The following SPAST variants were observed in gnomAD, a reference collection of about 807,000 sequenced individuals.
The protein encoded by SPAST is spastin.
Under a neutral mutation model 76.6 loss-of-function variants are expected in SPAST, and 30 were observed. That is an observed-to-expected ratio of 0.39 (90% CI 0.29 to 0.53). SPAST has a LOEUF of 0.53. SPAST is among the 20% of genes least tolerant of loss of function. The pLI is 0.68. For synonymous variants in SPAST, 305 were observed against 281.0 expected (o/e 1.09, Z -0.86); for missense variants, 717 against 770.5 (o/e 0.93, Z 0.82).
Position 32,114,769 on chromosome 2 carries a change from T to A in SPAST, c.814T>A (p.Leu272Ile). The A allele has an allele frequency of 1.2e-6, 2 of 1,614,160 alleles. No homozygotes were observed. Among genetic ancestry groups the A allele is most frequent in the Non-Finnish European group, 1.7e-6 (2 of 1,180,002 alleles). The change falls in exon 5 of 17, where the codon TTA becomes ATA. Residue 272 changes from leucine to isoleucine, a missense_variant. By Grantham distance (5) the Leu-to-Ile change is conservative. Coordinates refer to ENST00000315285, the MANE Select transcript of SPAST (RefSeq NM_014946.4). ...GHHRAPSYSG[L>I]SMVSGVKQGS... ...CCATAGAGCACCTAGTTACAGTGGT[T>A]TATCCATGGTTTCTGGAGTGAAACA... is the stretch of plus-strand genomic sequence containing the variant.
chr2:32,097,073 A>G (rs144849186), intron 3 of SPAST, among the ~76,000 whole-genome samples: 2 of 152,352 alleles, frequency 1.3e-5, no homozygotes, highest in East Asian at 1.9e-4. Context: ...GAGAGTTAAT[A>G]TATAGGTGCT....
chr2:32,120,026 C>CT (rs1334920064), intron 7 of SPAST, among the ~76,000 whole-genome samples: 2,314 of 143,668 alleles, frequency 0.016, 34 homozygotes, highest in African/African-American at 0.038. Context: ...TTCTTTCTTT[C>CT]TTTTTTTTTT....
intron 4 of SPAST, among the ~76,000 whole-genome samples, 200 bp downstream of exon 4, chr2:32,099,091 C>A (rs1419825542): frequency 1.3e-5 from 2 of 152,096 alleles, no homozygotes; most frequent in African/African-American, 4.8e-5. Context: ...TCTAAACTTG[C>A]TTTATTTGCA....
chr2:32,146,851 C>CA (rs397984237), intron 15 of SPAST, among the ~76,000 whole-genome samples: 260 of 19,210 alleles, frequency 0.014, 33 homozygotes, highest in Admixed American at 0.028. Flanking sequence ...GACTCTGTCT[C>CA]AAAAAAAAAA....
At chr2:32,100,766 C>A (rs1678089977) in intron 4 of SPAST, among the ~76,000 whole-genome samples, 1 of 152,114 alleles carries the variant, frequency 6.6e-6, no homozygotes, top group Non-Finnish European at 1.5e-5. Context: ...CAGCTTCATC[C>A]ATGTCCCTAC....
chr2:32,078,965 G>A (rs1018924370), intron 1 of SPAST, among the ~76,000 whole-genome samples: 2 of 152,030 alleles, frequency 1.3e-5, no homozygotes, highest in Non-Finnish European at 2.9e-5. Flanking sequence ...AGCCCCTCAA[G>A]TAGCTGGGAC....
At position 32,144,940 on chromosome 2, in the gene SPAST, G is replaced by T; in HGVS notation, c.1620G>T (p.Met540Ile). The T allele has an allele frequency of 6.2e-7, 1 of 1,611,148 alleles. No individual in the cohort carries two copies. The highest frequency in any genetic ancestry group is 1.1e-5 in the South Asian group (1 of 90,586). ...GTTTCTTCCTTCCCTTCCTCAGAAT[G>T]ACTGATGGATACTCAGGAAGTGACC... ...TQKELAQLAR[M>I]TDGYSGSDLT... The change falls in exon 15 of 17, where the codon ATG becomes ATT. Residue 540 changes from methionine (M) to isoleucine (I), a missense_variant. This residue lies in a region of SPAST where 96 missense variants were observed against 127.6 expected (regional missense o/e 0.75). Transcript: ENST00000315285.
intron 2 of SPAST, 116 bp downstream of exon 2, chr2:32,087,694 C>CTTTTTTTTTTTTTTTTTTTTTT (rs770566493): frequency 4.3e-5 from 8 of 186,262 alleles, no homozygotes; most frequent in African/African-American, 9.9e-5. Flanking sequence ...CTTTTCTTTT[C>CTTTTTTTTTTTTTTTTTTTTTT]TTTTTTTTTT....
intron 4 of SPAST, among the ~76,000 whole-genome samples, chr2:32,101,677 T>A (rs969793426): frequency 1.3e-5 from 2 of 152,230 alleles, no homozygotes; most frequent in African/African-American, 4.8e-5. Flanking sequence ...GGATCCAGTT[T>A]CAGCTTTGTA....
chr2:32,093,674 C>T (rs1055378722), intron 3 of SPAST, among the ~76,000 whole-genome samples: 1 of 152,074 alleles, frequency 6.6e-6, no homozygotes, highest in Non-Finnish European at 1.5e-5. Flanking sequence ...TTGTCTATAT[C>T]CCAAGTGCCT....
chr2:32,088,368 G>T (rs1677576431), intron 2 of SPAST, among the ~76,000 whole-genome samples: 1 of 151,858 alleles, frequency 6.6e-6, no homozygotes. Flanking sequence ...ATTTGGGCCA[G>T]GCACAGTGGC....
At chr2:32,103,700 A>G (rs1678211927) in intron 4 of SPAST, among the ~76,000 whole-genome samples, 1 of 152,074 alleles carries the variant, frequency 6.6e-6, no homozygotes. Flanking sequence ...GAACATCTTT[A>G]TTTCTGCCTT....
intron 7 of SPAST, among the ~76,000 whole-genome samples, chr2:32,123,552 G>T (rs1282784654): frequency 6.6e-6 from 1 of 152,122 alleles, no homozygotes; most frequent in African/African-American, 2.4e-5. Context: ...AAAGGCAAAA[G>T]ACCTAGAACA....
chr2:32,083,685 T>C (rs1677329816), intron 1 of SPAST, among the ~76,000 whole-genome samples: 1 of 140,476 alleles, frequency 7.1e-6, no homozygotes, highest in South Asian at 2.2e-4. Context: ...ATTTTTATGC[T>C]ATATATAGAG....
At chr2:32,122,812 A>G (rs565518807) in intron 7 of SPAST, among the ~76,000 whole-genome samples, 2 of 152,180 alleles carry the variant, frequency 1.3e-5, no homozygotes, top group South Asian at 4.2e-4. Context: ...CTTTGTTTGC[A>G]GATAACATGA....
rs796261389 is a variant in SPAST at position 32,126,817 on chromosome 2, G to A, written c.1099-131G>A. The A allele has an allele frequency of 1.1e-4, 74 of 650,140 alleles. No homozygotes were observed. The African/African-American group carries it at 1.2e-3, about 10-fold the overall frequency. 40.3% of individuals were successfully genotyped at this position (650,140 alleles called of 1,614,324 possible). ...AATTATTACATTAATTTATGATTAT[G>A]TGTTTCCTTTAAAGCTATGGGCAGC... On this transcript the variant is annotated intron_variant, in intron 7 of 16. Transcript: ENST00000315285.
intron 1 of SPAST, among the ~76,000 whole-genome samples, chr2:32,083,212 T>G (rs1418160585): frequency 1.3e-5 from 2 of 152,124 alleles, no homozygotes; most frequent in East Asian, 3.9e-4. Context: ...CTCCTTGGTC[T>G]CCCAAAATGC....
chr2:32,098,915 AAAT>A, intron 4 of SPAST, 24 bp downstream of exon 4: 2 of 1,466,726 alleles, frequency 1.4e-6, no homozygotes, highest in Middle Eastern at 1.7e-4. Context: ...AACTAACATA[AAAT>A]AATAAAGCTT....
At chr2:32,088,759 G>T (rs1410364426) in intron 2 of SPAST, among the ~76,000 whole-genome samples, 4 of 152,166 alleles carry the variant, frequency 2.6e-5, no homozygotes, top group Non-Finnish European at 4.4e-5. Context: ...TCATCACTTA[G>T]AATTTGAATT....
Sources: gnomAD v4.1 joint callset for allele counts (sites outside exome capture counted in the v4.1 genomes callset) on GRCh38, gnomAD v4.1.1 for gene constraint, gnomAD v4.1.1 regional missense constraint, MANE v1.5 for transcripts, NCBI Gene and HGNC (gene_info 2026-07-23, HGNC 2026-07-21) for gene names.